C9: variants seen among roughly 807,000 people sequenced by gnomAD.
C9 encodes the protein complement C9.
C9 carries 63 observed loss-of-function variants against 65.4 expected under a neutral mutation model. The observed-to-expected ratio is 0.96, with a 90% CI of 0.79 to 1.19. C9 has a LOEUF of 1.19. Among genes scored for constraint, C9 ranks in the 50% most tolerant of loss-of-function variants. The pLI is 0.00. For synonymous variants in C9, 229 were observed against 227.9 expected (o/e 1.00, Z -0.04); for missense variants, 744 against 670.1 (o/e 1.11, Z -1.22).
At chr5:39,299,654 T>C (rs572451560) in intron 9 of C9, among the ~76,000 whole-genome samples, 5 of 152,094 alleles carry the variant, frequency 3.3e-5, no homozygotes, top group Non-Finnish European at 7.4e-5. Flanking sequence ...AGTGGTTATG[T>C]AGAAGTGGGG....
At position 39,335,875 on chromosome 5, in the gene C9, T is replaced by C. The variant is rs144458554; in HGVS notation, c.477-4061A>G. ...TGGGATGGGGCTAGTGCAGGAGAAA[T>C]GTGTGGGTAAGAGCTCAGAGACGGA... is the stretch of plus-strand genomic sequence containing the variant. On this transcript the variant is annotated intron_variant, in intron 4 of 10. Coordinates refer to ENST00000263408, the MANE Select transcript of C9 (RefSeq NM_001737.5). Among the ~76,000 whole-genome samples the C allele has an allele frequency of 1.8e-3, 281 of 152,000 alleles. 1 individual carries two copies. Among genetic ancestry groups the C allele is most frequent in the Middle Eastern group, 3.4e-3 (1 of 294 alleles).
chr5:39,296,280 G>C (rs155447), intron 9 of C9, among the ~76,000 whole-genome samples: 58,985 of 151,392 alleles, frequency 0.39, 12,012 homozygotes, highest in Non-Finnish European at 0.46. Flanking sequence ...TCTGACAGGA[G>C]ACTAATATCC....
Position 39,341,005 on chromosome 5 carries a change from G to C in C9, c.476+141C>G, listed in dbSNP as rs1227780499. On this transcript the variant is annotated intron_variant, in intron 4 of 10. Transcript: ENST00000263408. ...ATTTAGCACTTCCTTTAAGCTTAAA[G>C]GTAGTTCAAAAATAATACAGACCCA... The C allele has an allele frequency of 6.0e-5, 57 of 952,086 alleles. 1 individual carries two copies. In the South Asian group the frequency reaches 6.9e-4, roughly 12 times the overall value. 59.0% of individuals were successfully genotyped at this position (952,086 alleles called of 1,614,324 possible). A position where few individuals can be genotyped will look rare whatever the true frequency, so the allele number is the denominator to read the frequency against.
intron 4 of C9, among the ~76,000 whole-genome samples, chr5:39,335,569 C>T (rs1439645998): frequency 1.3e-5 from 2 of 152,100 alleles, no homozygotes; most frequent in Non-Finnish European, 2.9e-5. Flanking sequence ...TTATAAATAA[C>T]CCAGAGATGA....
At chr5:39,354,531 T>C (rs1754381258) in intron 1 of C9, among the ~76,000 whole-genome samples, 1 of 152,136 alleles carries the variant, frequency 6.6e-6, no homozygotes. Context: ...GGACCTCAAG[T>C]AGGTGTAGGA....
chr5:39,349,208 T>C (rs1400289934), intron 1 of C9, among the ~76,000 whole-genome samples: 2 of 150,498 alleles, frequency 1.3e-5, no homozygotes, highest in African/African-American at 4.9e-5. Context: ...CAGAAAAGAC[T>C]AGGTGATGCC....
intron 4 of C9, among the ~76,000 whole-genome samples, chr5:39,332,978 T>C (rs10079966): frequency 0.03 from 4,557 of 152,276 alleles, 214 homozygotes; most frequent in African/African-American, 0.1. Flanking sequence ...AAGAAACTGA[T>C]GCATGAATAT....
intron 1 of C9, among the ~76,000 whole-genome samples, chr5:39,354,668 G>A (rs1754384660): frequency 6.6e-6 from 1 of 152,296 alleles, no homozygotes; most frequent in East Asian, 1.9e-4. Context: ...AAACAGAAAT[G>A]TCCCCAAGCT....
At chr5:39,330,743 G>A (rs1224451512) in intron 5 of C9, among the ~76,000 whole-genome samples, 1 of 152,052 alleles carries the variant, frequency 6.6e-6, no homozygotes, top group Non-Finnish European at 1.5e-5. Context: ...ATAGGTATAA[G>A]AAACATGACT....
At position 39,308,211 on chromosome 5, in the gene C9, C is replaced by G; in HGVS notation, c.1240+19G>C. The G allele has an allele frequency of 6.2e-7, 1 of 1,611,008 alleles. No homozygotes were observed. The highest frequency in any genetic ancestry group is 1.1e-5 in the South Asian group (1 of 91,032). ...TACCCTCAGGCTTTATAAAATCTAA[C>G]AAGTGAGGCCACACTTACCAGCTCT... On this transcript the variant is annotated intron_variant, in intron 8 of 10. Coordinates refer to ENST00000263408, the MANE Select transcript of C9 (RefSeq NM_001737.5).
chr5:39,324,778 G>A (rs1753720550), intron 5 of C9, among the ~76,000 whole-genome samples: 1 of 152,108 alleles, frequency 6.6e-6, no homozygotes, highest in Non-Finnish European at 1.5e-5. Flanking sequence ...TCTTGGACGA[G>A]AGACCAAGGG....
intron 9 of C9, among the ~76,000 whole-genome samples, chr5:39,297,270 G>A (rs1013090996): frequency 3.3e-5 from 5 of 151,524 alleles, no homozygotes; most frequent in Non-Finnish European, 7.4e-5. Flanking sequence ...TACCCCATAA[G>A]TATGTACAAT....
In C9 at chr5:39,343,962, C is replaced by G. The variant is rs562138254; in HGVS notation, c.78-1766G>C. On this transcript the variant is annotated intron_variant, in intron 1 of 10. Coordinates refer to ENST00000263408, the MANE Select transcript of C9 (RefSeq NM_001737.5). ...CTCCAACACACCTGCAGCTGAGGAT[C>G]ATGACTGCTAGAAGGAAAACTAACA... Among the ~76,000 whole-genome samples the G allele has an allele frequency of 8.9e-4, 135 of 152,350 alleles. 4 individuals are homozygous for G. In the South Asian group the frequency reaches 0.026, roughly 29 times the overall value.
chr5:39,333,784 G>A lies in C9; in HGVS notation c.477-1970C>T, dbSNP rs561977853. Among the ~76,000 whole-genome samples the A allele has an allele frequency of 7.3e-5, 11 of 151,064 alleles. No individual in the cohort carries two copies. The South Asian group carries it at 1.9e-3, about 26-fold the overall frequency. On this transcript the variant is annotated intron_variant, in intron 4 of 10. Transcript: ENST00000263408. ...GCACCGCCACGCCTGACTGGTTTTC[G>A]TATTTTTTTGGTGGAGACGGGGTTT...
chr5:39,335,843 G>T (rs1424412601), intron 4 of C9, among the ~76,000 whole-genome samples: 1 of 152,048 alleles, frequency 6.6e-6, no homozygotes, highest in Non-Finnish European at 1.5e-5. Flanking sequence ...TTGAGGGGTG[G>T]GTAAATTGGG....
intron 6 of C9, among the ~76,000 whole-genome samples, chr5:39,313,822 A>G (rs1246974948): frequency 6.6e-6 from 1 of 152,188 alleles, no homozygotes; most frequent in African/African-American, 2.4e-5. Flanking sequence ...TCAAAACACC[A>G]ACTCCTACTT....
intron 1 of C9, among the ~76,000 whole-genome samples, chr5:39,352,161 C>G (rs1754335145): frequency 6.6e-6 from 1 of 152,132 alleles, no homozygotes; most frequent in Non-Finnish European, 1.5e-5. Context: ...TTCTAAACAA[C>G]CAGCTCTCAC....
intron 4 of C9, among the ~76,000 whole-genome samples, chr5:39,335,287 A>G (rs1753941675): frequency 1.3e-5 from 2 of 152,162 alleles, no homozygotes; most frequent in Non-Finnish European, 2.9e-5. Context: ...TGCAATTAGC[A>G]GGGGGGAATA....
rs774830621 is a variant in C9, at chr5:39,311,223, T to C, written c.1025A>G (p.Tyr342Cys). ...KGEYFAFLET[Y>C]GTHYSSSGSL... ...CCCAGAGCTACTGTAGTGAGTTCCA[T>C]AGGTTTCCAAAAAGGCAAAATATTC... Residue 342 changes from tyrosine to cysteine, a missense_variant, in exon 7 of 11, where the codon TAT (tyrosine) becomes TGT (cysteine). Physicochemically the swap from Tyr to Cys is radical, Grantham distance 194 (BLOSUM62 -2). Transcript: ENST00000263408. 1.9e-6 allele frequency: 3 copies of C among 1,613,576 alleles called. No individual in the cohort carries two copies. The highest frequency in any genetic ancestry group is 1.3e-5 in the African/African-American group (1 of 75,048).
Sources: allele counts gnomAD v4.1 joint callset (sites outside exome capture counted in the v4.1 genomes callset), GRCh38; gene constraint gnomAD v4.1.1; transcripts MANE v1.5; gene names NCBI Gene and HGNC (gene_info 2026-07-23, HGNC 2026-07-21).